Variants in RNF180 observed in about 807,000 individuals in gnomAD.
RNF180 encodes the protein ring finger protein 180, also known as E3 ubiquitin-protein ligase RNF180.
In RNF180, 38 loss-of-function variants were observed where a neutral mutation model predicts 59.2. The ratio of observed to expected loss-of-function variants is 0.64; its 90% confidence interval spans 0.50 to 0.84. The LOEUF is 0.84. Ranked by LOEUF, RNF180 falls within the 40% of genes least tolerant of loss-of-function variation. The probability of loss-of-function intolerance (pLI) is 0.00; values close to 1 mark genes in which losing one functional copy is unlikely to be tolerated. For missense variants in RNF180, 705 were observed against 700.9 expected (o/e 1.01, Z -0.07); for synonymous variants, 262 against 240.3 (o/e 1.09, Z -0.84).
intron 7 of RNF180, among the ~76,000 whole-genome samples, chr5:64,346,291 G>A (rs557723640): frequency 7.0e-6 from 1 of 143,512 alleles, no homozygotes; most frequent in South Asian, 2.2e-4. Flanking sequence ...GCTAAGGTTT[G>A]GTTTGTTTTT....
At chr5:64,196,229 A>G (rs895636002) in intron 1 of RNF180, among the ~76,000 whole-genome samples, 1 of 151,890 alleles carries the variant, frequency 6.6e-6, no homozygotes, top group Non-Finnish European at 1.5e-5. Flanking sequence ...TTCGGATGCT[A>G]TAACTCTTAT....
chr5:64,172,847 T>TC (rs1221859829), intron 1 of RNF180, among the ~76,000 whole-genome samples: 6 of 152,118 alleles, frequency 3.9e-5, no homozygotes, highest in Non-Finnish European at 7.4e-5. Context: ...AGGTACACTG[T>TC]TGATTATTCC....
intron 5 of RNF180, among the ~76,000 whole-genome samples, chr5:64,274,336 AAC>A (rs1156249311): frequency 7.9e-5 from 12 of 151,576 alleles, no homozygotes; most frequent in African/African-American, 2.4e-4. Flanking sequence ...TAAATCTCTT[AAC>A]ACGCTCATTT....
At chr5:64,181,588 T>G (rs1267207445) in intron 1 of RNF180, among the ~76,000 whole-genome samples, 1 of 152,076 alleles carries the variant, frequency 6.6e-6, no homozygotes, top group African/African-American at 2.4e-5. Flanking sequence ...CAGGACTGAG[T>G]GCTTTGTATG....
At chr5:64,250,423 G>C (rs1580111336) in intron 5 of RNF180, among the ~76,000 whole-genome samples, 1 of 151,828 alleles carries the variant, frequency 6.6e-6, no homozygotes, top group Admixed American at 6.6e-5. Context: ...TATCAGGGCA[G>C]AAATCAATGA....
chr5:64,324,709 G>T (rs972892892), intron 5 of RNF180, among the ~76,000 whole-genome samples: 1 of 152,174 alleles, frequency 6.6e-6, no homozygotes, highest in Non-Finnish European at 1.5e-5. Flanking sequence ...GGTCCAGGAA[G>T]ACACAAAATA....
At chr5:64,293,297 G>C (rs1465844746) in intron 5 of RNF180, among the ~76,000 whole-genome samples, 1 of 152,030 alleles carries the variant, frequency 6.6e-6, no homozygotes, top group Non-Finnish European at 1.5e-5. Flanking sequence ...CATGGGTTGA[G>C]TTGTCTGCCT....
At chr5:64,256,483 G>C (rs936405460) in intron 5 of RNF180, among the ~76,000 whole-genome samples, 5 of 152,098 alleles carry the variant, frequency 3.3e-5, no homozygotes, top group African/African-American at 4.8e-5. Context: ...GCTTGTTTCT[G>C]TCAGGTTTGT....
chr5:64,287,636 G>C (rs1394644111), intron 5 of RNF180, among the ~76,000 whole-genome samples: 1 of 152,118 alleles, frequency 6.6e-6, no homozygotes, highest in Non-Finnish European at 1.5e-5. Context: ...GCGTGCAATG[G>C]TATCTCATTG....
chr5:64,296,568 A>T (rs1393500238), intron 5 of RNF180, among the ~76,000 whole-genome samples: 2 of 151,890 alleles, frequency 1.3e-5, no homozygotes, highest in Non-Finnish European at 2.9e-5. Flanking sequence ...TAGGGAGAGG[A>T]TCTATAGCTT....
chr5:64,261,250 A>C (rs1217540127), intron 5 of RNF180, among the ~76,000 whole-genome samples: 1 of 152,148 alleles, frequency 6.6e-6, no homozygotes, highest in Non-Finnish European at 1.5e-5. Context: ...GATTAAGCCA[A>C]CATTTTCATT....
chr5:64,196,737 T>G (rs1751475341), intron 1 of RNF180, among the ~76,000 whole-genome samples: 1 of 152,146 alleles, frequency 6.6e-6, no homozygotes, highest in African/African-American at 2.4e-5. Flanking sequence ...TATTTCCTTG[T>G]CTAGTTAATA....
intron 7 of RNF180, among the ~76,000 whole-genome samples, chr5:64,349,380 A>C (rs1745687092): frequency 6.7e-6 from 1 of 148,746 alleles, no homozygotes; most frequent in Admixed American, 6.7e-5. Context: ...CATTGTAATA[A>C]TAATAAGTTA....
intron 5 of RNF180, among the ~76,000 whole-genome samples, chr5:64,298,424 T>G (rs1743000815): frequency 6.6e-6 from 1 of 151,970 alleles, no homozygotes; most frequent in Non-Finnish European, 1.5e-5. Flanking sequence ...TTATATATGG[T>G]AAGGGGTCCA....
chr5:64,173,475 A>G (rs969828043), intron 1 of RNF180, among the ~76,000 whole-genome samples: 2 of 152,328 alleles, frequency 1.3e-5, no homozygotes, highest in South Asian at 2.1e-4. Context: ...TAGTGAGAAC[A>G]TTCAAAATTC....
rs968132275 is a variant in RNF180, at chr5:64,211,361, C to T, written c.136-704C>T. 7.9e-5 allele frequency among the ~76,000 whole-genome samples: 12 copies of T among 152,078 alleles called. No homozygotes were observed. The East Asian group carries it at 2.3e-3, about 29-fold the overall frequency. On this transcript the variant is annotated intron_variant, in intron 2 of 7. Transcript: ENST00000389100. ...GACCTGGGGATTAATGCTCAATGTG[C>T]TGCAAGCTTGGTTTATTTTTGTTTG...
chr5:64,349,574 T>C (rs921447491), intron 7 of RNF180, among the ~76,000 whole-genome samples: 15 of 151,902 alleles, frequency 9.9e-5, no homozygotes, highest in African/African-American at 9.7e-5. Context: ...ATATGCTATC[T>C]CTCCCCCCTT....
At chr5:64,192,453 C>T (rs183412853) in intron 1 of RNF180, among the ~76,000 whole-genome samples, 26 of 152,136 alleles carry the variant, frequency 1.7e-4, no homozygotes, top group African/African-American at 6.0e-4. Context: ...GCTGGCGGAT[C>T]GTGAGGTCAG....
At chr5:64,174,141 C>G (rs1271110247) in intron 1 of RNF180, among the ~76,000 whole-genome samples, 2 of 152,178 alleles carry the variant, frequency 1.3e-5, no homozygotes, top group African/African-American at 4.8e-5. Context: ...AGGACTTCAT[C>G]CCTTTTTTTG....
Sources: allele counts gnomAD v4.1 joint callset (sites outside exome capture counted in the v4.1 genomes callset), GRCh38; gene constraint gnomAD v4.1.1; transcripts MANE v1.5; gene names NCBI Gene and HGNC (gene_info 2026-07-23, HGNC 2026-07-21).